The following DICER1 variants were observed in gnomAD, a reference collection of about 807,000 sequenced individuals.
DICER1 encodes dicer 1, ribonuclease III, also known as endoribonuclease Dicer.
A neutral mutation model predicts 194.1 loss-of-function variants in DICER1; 43 were observed. The observed-to-expected ratio is 0.22, with a 90% CI of 0.17 to 0.29. The LOEUF is 0.29. DICER1 is among the 10% of genes least tolerant of loss of function. The pLI is 1.00. For missense variants in DICER1, 1,608 were observed against 2,317.0 expected (o/e 0.69, Z 6.28); for synonymous variants, 832 against 820.5 (o/e 1.01, Z -0.24).
chr14:95,103,877 T>C lies in DICER1; in HGVS notation c.3519A>G (p.Thr1173=), dbSNP rs745483867. The change falls in exon 21 of 27, where the codon ACA becomes ACG. Residue 1173 remains threonine (T), a synonymous_variant. Transcript: ENST00000343455. Reference sequence around the variant, plus strand: ...GATTGTAAGAAAGACCATTAATTGCTGTAAGATCTGCTGAAACTTCAACGT... The same window carrying C: ...GATTGTAAGAAAGACCATTAATTGCCGTAAGATCTGCTGAAACTTCAACGT... ...KLHVEVSADL[T]AINGLSYNQN... The C allele has an allele frequency of 1.5e-5, 24 of 1,614,090 alleles. No individual in the cohort carries two copies. The highest frequency in any genetic ancestry group is 6.7e-5 in the Admixed American group (4 of 60,008).
At chr14:95,091,541 A>G in intron 24 of DICER1, 176 bp from the exon 25 acceptor site, 1 of 621,116 alleles carries the variant, frequency 1.6e-6, no homozygotes, top group Non-Finnish European at 2.7e-6. Context: ...TATTTTTAAA[A>G]AAGTTTTTCA....
At chr14:95,117,583 C>T (rs764246708) in intron 9 of DICER1, 39 bp downstream of exon 9, 30 of 1,612,204 alleles carry the variant, frequency 1.9e-5, no homozygotes, top group Non-Finnish European at 2.3e-5. Flanking sequence ...GTATATGTCC[C>T]GAAAACTGTT....
intron 1 of DICER1, among the ~76,000 whole-genome samples, chr14:95,151,633 C>G (rs1895519280): frequency 6.6e-6 from 1 of 152,184 alleles, no homozygotes; most frequent in Non-Finnish European, 1.5e-5. Flanking sequence ...ACCCTGGTCT[C>G]TCTGACGCCA....
At chr14:95,157,017 C>T (rs541531099) in intron 1 of DICER1, among the ~76,000 whole-genome samples, 11 of 152,126 alleles carry the variant, frequency 7.2e-5, no homozygotes, top group East Asian at 1.9e-4. Flanking sequence ...GGCCCAGGAG[C>T]AGAGCCGAGG....
At chr14:95,150,012 T>C (rs1895410069) in intron 1 of DICER1, among the ~76,000 whole-genome samples, 1 of 152,224 alleles carries the variant, frequency 6.6e-6, no homozygotes, top group Non-Finnish European at 1.5e-5. Flanking sequence ...CCCATCCTAG[T>C]TTTCTCAGTT....
chr14:95,151,213 A>G (rs1217781399), intron 1 of DICER1, among the ~76,000 whole-genome samples: 1 of 152,226 alleles, frequency 6.6e-6, no homozygotes, highest in Non-Finnish European at 1.5e-5. Context: ...TACATTTGGT[A>G]TCACTACTAC....
intron 23 of DICER1, among the ~76,000 whole-genome samples, chr14:95,094,977 A>G (rs562061056): frequency 7.2e-5 from 11 of 152,358 alleles, no homozygotes; most frequent in East Asian, 1.9e-4. Context: ...GTCGAAAGCC[A>G]CGTATCATTT....
rs150196761 is a variant in DICER1, at chr14:95,139,261, A to T, written c.-45-5758T>A. Among the ~76,000 whole-genome samples, 274 of 152,324 alleles carry T rather than the reference A, an allele frequency of 1.8e-3. 1 individual carries two copies. Among genetic ancestry groups the T allele is most frequent in the African/African-American group, 6.3e-3 (263 of 41,588 alleles). On this transcript the variant is annotated intron_variant, in intron 1 of 26. Transcript: ENST00000343455. ...AATTTTATATGAATTCTTATTTAGA[A>T]AATTTCTCTTAAAACTCTGTTCTCA...
At chr14:95,114,884 A>G (rs867779723) in intron 11 of DICER1, among the ~76,000 whole-genome samples, 4 of 152,184 alleles carry the variant, frequency 2.6e-5, no homozygotes, top group Non-Finnish European at 5.9e-5. Context: ...AAGACTACAA[A>G]ATGACAGCCT....
At chr14:95,116,058 G>GACACACACACACACACACACAC (rs150390018) in intron 10 of DICER1, among the ~76,000 whole-genome samples, 1 of 142,952 alleles carries the variant, frequency 7.0e-6, no homozygotes, top group Admixed American at 6.9e-5. Context: ...TGCCTACACA[G>GACACACACACACACACACACAC]ACACACACAC....
chr14:95,115,911 GA>G, intron 10 of DICER1, 90 bp from the exon 11 acceptor site: 1 of 1,299,432 alleles, frequency 7.7e-7, no homozygotes, highest in Non-Finnish European at 1.1e-6. Flanking sequence ...AAACTCTCCT[GA>G]AAATATCTCT....
At position 95,103,583 on chromosome 14, in the gene DICER1, G is replaced by A. The variant is rs749213556; in HGVS notation, c.3813C>T (p.Leu1271=). 5.0e-6 allele frequency: 8 copies of A among 1,614,074 alleles called. No homozygotes were observed. In the East Asian group the frequency reaches 1.1e-4, roughly 22 times the overall value. The change falls in exon 21 of 27, where the codon CTC becomes CTT. Residue 1271 remains leucine, a synonymous_variant. Transcript: ENST00000343455. ...TCTGCTCAGAATCCATCCTGCCCTTGAGCACTTGAATAGTGTCTGTCGTAC... is the reference window on the plus strand; with the variant it reads ...TCTGCTCAGAATCCATCCTGCCCTTAAGCACTTGAATAGTGTCTGTCGTAC... ...MPGTTDTIQV[L]KGRMDSEQSP...
Position 95,124,535 on chromosome 14 carries a change from A to T in DICER1, c.1037T>A (p.Leu346Ter), listed in dbSNP as rs1444222157. ...TTTCCTTAGGAAAGTGTCTGTAAAC[A>T]ATAAAAATTTCCTGTGCAGCTCCTC... ...EQEELHRKFLLFTDTFLRKIH... is the reference protein window; with the variant it reads ...EQEELHRKFL Residue 346 changes from leucine to a stop codon, truncating the protein, a stop_gained, in exon 8 of 27, where the codon TTG becomes TAG. Transcript: ENST00000343455. LOFTEE classifies it high-confidence loss of function. This position sits in a 1 kb window ranked among gnomAD's most constrained non-coding sequence, Gnocchi z 4.5. 6.2e-7 allele frequency: 1 copy of T among 1,614,024 alleles called. No homozygotes were observed. Among genetic ancestry groups the T allele is most frequent in the South Asian group, 1.1e-5 (1 of 91,080 alleles).
Position 95,104,123 on chromosome 14 carries a change from G to T in DICER1, c.3273C>A (p.Tyr1091Ter). ...GVRSLPADFR[Y>*]PNLDFGWKKS... Reference sequence around the variant, plus strand: ...TTTTCCACCCGAAGTCTAAGTTAGGGTATCTGCAAAGACATTTTTATAACT... The same window carrying T: ...TTTTCCACCCGAAGTCTAAGTTAGGTTATCTGCAAAGACATTTTTATAACT... The change falls in exon 21 of 27, where the codon TAC (tyrosine) becomes TAA (stop). Residue 1091 changes from tyrosine to a stop codon, truncating the protein, a stop_gained. Transcript: ENST00000343455. LOFTEE classifies it high-confidence loss of function. 1.2e-6 allele frequency: 2 copies of T among 1,611,262 alleles called. No individual in the cohort carries two copies.
rs138250984 is a variant in DICER1 at position 95,096,543 on chromosome 14, C to T, written c.4377G>A (p.Gly1459=). ...HIRFIDNMLM[G]SGAFVKKISL... ...AGATTTTCTTTACAAAAGCTCCTGA[C>T]CCCATTAACATATTATCTATAAATC... Residue 1459 remains glycine (G), a synonymous_variant, in exon 23 of 27, where the codon GGG becomes GGA. Transcript: ENST00000343455. The T allele has an allele frequency of 1.2e-6, 2 of 1,613,806 alleles. No individual in the cohort carries two copies. The highest frequency in any genetic ancestry group is 2.7e-5 in the African/African-American group (2 of 74,854).
chr14:95,118,452 G>A, intron 8 of DICER1, among the ~76,000 whole-genome samples: 1 of 152,168 alleles, frequency 6.6e-6, no homozygotes, highest in East Asian at 1.9e-4. Context: ...GCACAGAAAT[G>A]GCAAGGCAAC....
chr14:95,114,739 G>A (rs1249867608), intron 11 of DICER1, among the ~76,000 whole-genome samples: 1 of 152,150 alleles, frequency 6.6e-6, no homozygotes, highest in Admixed American at 6.5e-5. Context: ...ACCGGTAAGG[G>A]CACAAATCAA....
In DICER1 at chr14:95,128,750, T is replaced by C. The variant is rs138191441; in HGVS notation, c.734+722A>G. Among the ~76,000 whole-genome samples the C allele has an allele frequency of 3.3e-3, 507 of 152,346 alleles. 3 individuals carry two copies. Among genetic ancestry groups the C allele is most frequent in the Middle Eastern group, 0.01 (3 of 294 alleles). ...CCATGTCTGACTTAACTCCACAACTTGAGAAATCAGTCTCCGCTACTTATT... is the reference window on the plus strand; with the variant it reads ...CCATGTCTGACTTAACTCCACAACTCGAGAAATCAGTCTCCGCTACTTATT... On this transcript the variant is annotated intron_variant, in intron 6 of 26. Coordinates refer to ENST00000343455, the MANE Select transcript of DICER1 (RefSeq NM_177438.3).
At chr14:95,127,907 AACTC>A (rs1452423864) in intron 6 of DICER1, among the ~76,000 whole-genome samples, 1 of 152,232 alleles carries the variant, frequency 6.6e-6, no homozygotes, top group African/African-American at 2.4e-5. Context: ...ATACTCATGA[AACTC>A]AATCACTTCG....
Sources: allele counts gnomAD v4.1 joint callset (sites outside exome capture counted in the v4.1 genomes callset), GRCh38; gene constraint gnomAD v4.1.1; non-coding constraint Gnocchi (gnomAD v3.1); transcripts MANE v1.5; gene names NCBI Gene and HGNC (gene_info 2026-07-23, HGNC 2026-07-21).